The following SGCZ variants were observed in gnomAD, a reference collection of about 807,000 sequenced individuals.
SGCZ encodes the protein sarcoglycan zeta.
SGCZ carries 40 observed loss-of-function variants against 41.3 expected under a neutral mutation model. The ratio of observed to expected loss-of-function variants is 0.97; its 90% CI spans 0.75 to 1.26. The LOEUF is 1.26. Ranked by LOEUF, SGCZ falls within the 50% of genes most tolerant of loss-of-function variation. The pLI is 0.00. For synonymous variants in SGCZ, 206 were observed against 137.5 expected (o/e 1.50, Z -3.49); for missense variants, 552 against 369.8 (o/e 1.49, Z -4.04).
At chr8:15,027,693 A>G (rs935737616) in intron 1 of SGCZ, among the ~76,000 whole-genome samples, 1 of 152,118 alleles carries the variant, frequency 6.6e-6, no homozygotes, top group Non-Finnish European at 1.5e-5. Context: ...AAGTTCCAAA[A>G]CATATTAACT....
rs138948797 is a variant in SGCZ at position 14,906,192 on chromosome 8, T to C, written c.39+331393A>G. Among the ~76,000 whole-genome samples, 766 of 152,228 alleles carry C rather than the reference T, an allele frequency of 5.0e-3. 7 individuals are homozygous for C. The highest frequency in any genetic ancestry group is 0.018 in the African/African-American group (733 of 41,560). Reference sequence around the variant, plus strand: ...TAGGACACATACTGCAGGAGCTAATTCTTGCATTAATTTTGAAGACGCTCC... The same window carrying C: ...TAGGACACATACTGCAGGAGCTAATCCTTGCATTAATTTTGAAGACGCTCC... On this transcript the variant is annotated intron_variant, in intron 1 of 7. Transcript: ENST00000382080.
rs17655629 is a variant in SGCZ at position 15,130,321 on chromosome 8, C to T, written c.39+107264G>A. On this transcript the variant is annotated intron_variant, in intron 1 of 7. Coordinates refer to ENST00000382080, the MANE Select transcript of SGCZ (RefSeq NM_139167.4). ...AAGCCACTTGACGGGAAGTAATCTG[C>T]AGGCTCAGCACTTGGTGCAATGGCC... Among the ~76,000 whole-genome samples, 1,266 of 152,288 alleles carry T rather than the reference C, an allele frequency of 8.3e-3. 44 individuals are homozygous for T. The highest frequency in any genetic ancestry group is 0.054 in the Admixed American group (824 of 15,296).
intron 2 of SGCZ, among the ~76,000 whole-genome samples, chr8:14,458,287 G>C (rs1449728040): frequency 6.6e-6 from 1 of 152,164 alleles, no homozygotes; most frequent in Non-Finnish European, 1.5e-5. Context: ...TTTGGGAAAA[G>C]AGTGAACTAC....
intron 1 of SGCZ, among the ~76,000 whole-genome samples, chr8:14,791,322 C>T (rs1800944447): frequency 6.6e-6 from 1 of 152,016 alleles, no homozygotes; most frequent in Non-Finnish European, 1.5e-5. Flanking sequence ...ATATGCATCC[C>T]GTTTGCATTG....
intron 4 of SGCZ, among the ~76,000 whole-genome samples, chr8:14,219,320 A>G (rs1271769160): frequency 6.6e-6 from 1 of 152,162 alleles, no homozygotes; most frequent in Non-Finnish European, 1.5e-5. Context: ...AAACCACTAC[A>G]TCTGAGAAGT....
chr8:14,341,616 C>T (rs963885367), intron 2 of SGCZ, among the ~76,000 whole-genome samples: 1 of 152,156 alleles, frequency 6.6e-6, no homozygotes, highest in Non-Finnish European at 1.5e-5. Flanking sequence ...GCTGTGTCCC[C>T]TCCCAAATCT....
chr8:14,891,933 T>A (rs1243135966), intron 1 of SGCZ, among the ~76,000 whole-genome samples: 1 of 152,216 alleles, frequency 6.6e-6, no homozygotes, highest in Non-Finnish European at 1.5e-5. Flanking sequence ...AATTATGGTA[T>A]GTATATGTTT....
intron 5 of SGCZ, among the ~76,000 whole-genome samples, chr8:14,160,239 G>A (rs1003567796): frequency 2.6e-5 from 4 of 152,154 alleles, no homozygotes. Context: ...ATTCTACGGG[G>A]CTGATGTCTT....
intron 1 of SGCZ, among the ~76,000 whole-genome samples, chr8:15,226,572 T>C (rs1270836043): frequency 6.6e-6 from 1 of 152,202 alleles, no homozygotes; most frequent in Admixed American, 6.5e-5. Flanking sequence ...TCTAAATCCC[T>C]CTGCATCCAG....
chr8:14,539,791 G>A (rs533498110), intron 2 of SGCZ, among the ~76,000 whole-genome samples: 49 of 152,074 alleles, frequency 3.2e-4, no homozygotes, highest in Non-Finnish European at 4.4e-4. Flanking sequence ...GTGAGAACAT[G>A]AAGTATTTGG....
intron 1 of SGCZ, among the ~76,000 whole-genome samples, chr8:14,700,806 C>G (rs1362210366): frequency 6.6e-6 from 1 of 151,768 alleles, no homozygotes; most frequent in Non-Finnish European, 1.5e-5. Context: ...TCTCTGTAAT[C>G]AAAGGCCAAC....
intron 1 of SGCZ, among the ~76,000 whole-genome samples, chr8:15,024,838 A>C (rs1450320283): frequency 6.6e-6 from 1 of 152,110 alleles, no homozygotes; most frequent in East Asian, 1.9e-4. Flanking sequence ...AAGGAGGCTG[A>C]GGCAGGAGAA....
At chr8:14,347,669 AATT>A (rs1480903185) in intron 2 of SGCZ, among the ~76,000 whole-genome samples, 2 of 151,792 alleles carry the variant, frequency 1.3e-5, no homozygotes, top group African/African-American at 2.4e-5. Flanking sequence ...GATTAAATAA[AATT>A]ATTTTCATCA....
At chr8:15,046,799 C>T (rs1804321260) in intron 1 of SGCZ, among the ~76,000 whole-genome samples, 1 of 151,962 alleles carries the variant, frequency 6.6e-6, no homozygotes, top group African/African-American at 2.4e-5. Context: ...CTGCCAAAAC[C>T]AATCTGACGT....
At chr8:14,156,415 C>T (rs1803877369) in intron 5 of SGCZ, among the ~76,000 whole-genome samples, 1 of 152,036 alleles carries the variant, frequency 6.6e-6, no homozygotes, top group African/African-American at 2.4e-5. Context: ...GAGCAGAGAT[C>T]ATGCCACTTC....
chr8:14,746,193 AT>A (rs1282643529), intron 1 of SGCZ, among the ~76,000 whole-genome samples: 2 of 152,112 alleles, frequency 1.3e-5, no homozygotes, highest in African/African-American at 4.8e-5. Context: ...AAACGTAGAG[AT>A]TTAAAAAAAT....
intron 1 of SGCZ, among the ~76,000 whole-genome samples, chr8:14,734,350 T>G (rs2130251716): frequency 6.6e-6 from 1 of 152,234 alleles, no homozygotes; most frequent in South Asian, 2.1e-4. Flanking sequence ...GTAAGAAAAC[T>G]ACAGCAACAA....
intron 3 of SGCZ, among the ~76,000 whole-genome samples, chr8:14,295,396 C>A (rs1280514669): frequency 6.6e-6 from 1 of 151,946 alleles, no homozygotes; most frequent in Non-Finnish European, 1.5e-5. Context: ...TGTCACTTGC[C>A]ATATAATTAA....
At chr8:14,250,143 C>T (rs1247886733) in intron 3 of SGCZ, among the ~76,000 whole-genome samples, 1 of 152,214 alleles carries the variant, frequency 6.6e-6, no homozygotes, top group Non-Finnish European at 1.5e-5. Flanking sequence ...AGTAGAATGA[C>T]TCTAACAGCC....
Sources: allele counts gnomAD v4.1 joint callset (sites outside exome capture counted in the v4.1 genomes callset), GRCh38; gene constraint gnomAD v4.1.1; transcripts MANE v1.5; gene names NCBI Gene and HGNC (gene_info 2026-07-23, HGNC 2026-07-21).